The following SCN1A variants were observed in gnomAD, a reference collection of about 807,000 sequenced individuals.
The protein encoded by SCN1A is sodium voltage-gated channel alpha subunit 1.
Under a neutral mutation model 193.7 loss-of-function variants are expected in SCN1A, and 13 were observed. That is an observed-to-expected ratio of 0.07 (90% CI 0.04 to 0.11). The LOEUF is 0.11. Among genes scored for constraint, SCN1A ranks in the 10% least tolerant of loss-of-function variants. The pLI is 1.00. For missense variants in SCN1A, 1,432 were observed against 2,451.1 expected (o/e 0.58, Z 8.78); for synonymous variants, 781 against 843.6 (o/e 0.93, Z 1.29).
chr2:166,129,489 C>T (rs1691556258), upstream of SCN1A, among the ~76,000 whole-genome samples: 1 of 152,110 alleles, frequency 6.6e-6, no homozygotes, highest in Non-Finnish European at 1.5e-5. Context: ...AGTGCTTTCC[C>T]AAAAGCCAGT....
At chr2:166,002,361 A>G (rs777685937) in intron 24 of SCN1A, 111 bp downstream of exon 24, 15 of 1,184,480 alleles carry the variant, frequency 1.3e-5, no homozygotes, top group Non-Finnish European at 1.6e-5. Flanking sequence ...GAAATTTTTT[A>G]AATAGAAAGA....
At chr2:166,137,651 C>T (rs1691916674) in intron 1 of SCN1A, 1 of 152,280 alleles carries the variant, frequency 6.6e-6, no homozygotes. Flanking sequence ...TTCAATAAAC[C>T]TCTTTCTTTT....
chr2:166,073,784 T>C lies in SCN1A; in HGVS notation c.-49-114A>G. ...ATTTAAAGTCTGTTTTCTCCTTAAATTGAAAGGTGATTTCTAAAGAAAAAA... is the reference window on the plus strand; with the variant it reads ...ATTTAAAGTCTGTTTTCTCCTTAAACTGAAAGGTGATTTCTAAAGAAAAAA... On this transcript the variant is annotated intron_variant, in intron 3 of 28. Coordinates refer to ENST00000674923, the MANE Select transcript of SCN1A (RefSeq NM_001165963.4). 3.6e-6 allele frequency: 3 copies of C among 823,966 alleles called. No homozygotes were observed. The South Asian group carries it at 5.9e-5, about 16-fold the overall frequency. The allele number at this position is 823,966 out of a possible 1,614,324, so 51.0% of individuals were successfully genotyped here. A position where few individuals can be genotyped will look rare whatever the true frequency, so the allele number is the denominator to read the frequency against.
chr2:166,146,814 G>A (rs1692340704), intron 1 of SCN1A, among the ~76,000 whole-genome samples: 1 of 152,008 alleles, frequency 6.6e-6, no homozygotes, highest in African/African-American at 2.4e-5. Context: ...TGGAACTGTT[G>A]GAAAATAGAC....
At chr2:166,058,845 C>T (rs536565956) in intron 4 of SCN1A, among the ~76,000 whole-genome samples, 157 bp from the exon 5 acceptor site, 1 of 152,208 alleles carries the variant, frequency 6.6e-6, no homozygotes, top group South Asian at 2.1e-4. Context: ...CAAACTGTCA[C>T]TGGATCTCTT....
chr2:166,006,766 T>G (rs1691719542), intron 23 of SCN1A, among the ~76,000 whole-genome samples: 1 of 151,412 alleles, frequency 6.6e-6, no homozygotes, highest in South Asian at 2.1e-4. Flanking sequence ...CCCTAGTATC[T>G]GCTCATACAT....
intron 5 of SCN1A, among the ~76,000 whole-genome samples, chr2:166,057,859 T>C (rs1269182766): frequency 2.0e-5 from 3 of 151,990 alleles, no homozygotes; most frequent in Admixed American, 2.0e-4. Flanking sequence ...AACAAATGAA[T>C]TTAGTCGTGG....
chr2:166,124,206 G>A (rs1209251909), intron 2 of SCN1A, among the ~76,000 whole-genome samples: 3 of 151,650 alleles, frequency 2.0e-5, no homozygotes, highest in Non-Finnish European at 4.4e-5. Flanking sequence ...CACTTAGAAC[G>A]CAGACCCTTC....
chr2:166,010,502 CAAA>C (rs1357180988), intron 22 of SCN1A, among the ~76,000 whole-genome samples: 1 of 151,124 alleles, frequency 6.6e-6, no homozygotes, highest in Non-Finnish European at 1.5e-5. Context: ...GAATATTTAC[CAAA>C]TACACACAGC....
rs138587241 is a variant in SCN1A, at chr2:166,045,151, A to C, written c.1554T>G (p.Asp518Glu). 8.1e-6 allele frequency: 13 copies of C among 1,613,970 alleles called. No individual in the cohort carries two copies. In the African/African-American group the frequency reaches 1.7e-4, roughly 22 times the overall value. Residue 518 changes from aspartate (D) to glutamate (E), a missense_variant, in exon 13 of 29, where the codon GAT becomes GAG. By Grantham distance (45) the Asp-to-Glu change is conservative. This residue lies in a region of SCN1A where 316 missense variants were observed against 362.1 expected (regional missense o/e 0.87). Coordinates refer to ENST00000674923, the MANE Select transcript of SCN1A (RefSeq NM_001165963.4). ...EQSGGEEKDE[D>E]EFQKSESEDS... ...CCTCAGATTCAGATTTTTGGAATTC[A>C]TCCTCATCTTTCTCTTCCCCACCAG...
Position 166,044,033 on chromosome 2 carries a change from C to G in SCN1A, c.1679G>C (p.Arg560Pro). Residue 560 changes from arginine to proline, a missense_variant, in exon 14 of 29, where the codon CGT (arginine) becomes CCT (proline). Physicochemically the swap from Arg to Pro is moderately radical, Grantham distance 103. Coordinates refer to ENST00000674923, the MANE Select transcript of SCN1A (RefSeq NM_001165963.4). ...SSPHQSLLSI[R>P]GSLFSPRRNS... is the part of the protein sequence containing the mutation. ...TCGCCTTGGTGAAAATAGGGAGCCA[C>G]GGATGCTCAACAAAGACTAGAAGTT... 1.2e-6 allele frequency: 2 copies of G among 1,614,028 alleles called. No homozygotes were observed. Among genetic ancestry groups the G allele is most frequent in the Non-Finnish European group, 1.7e-6 (2 of 1,180,002 alleles).
At chr2:166,025,312 T>G (rs557146687) in intron 19 of SCN1A, among the ~76,000 whole-genome samples, 1 of 152,274 alleles carries the variant, frequency 6.6e-6, no homozygotes, top group African/African-American at 2.4e-5. Context: ...CTTCCTACTT[T>G]CCTGCCAGCT....
chr2:166,146,523 A>G (rs1692328854), intron 1 of SCN1A, among the ~76,000 whole-genome samples: 1 of 152,196 alleles, frequency 6.6e-6, no homozygotes, highest in African/African-American at 2.4e-5. Context: ...GGTCATCACA[A>G]CTGAGGGTTT....
chr2:166,043,582 C>A, intron 14 of SCN1A, 87 bp downstream of exon 14: 2 of 1,427,368 alleles, frequency 1.4e-6, no homozygotes, highest in African/African-American at 1.4e-5. Context: ...AACCAGGAAT[C>A]ATTCTCAAGG....
In SCN1A at chr2:165,992,538, T is replaced by TAA; in HGVS notation, c.4853-117_4853-116insTT. On this transcript the variant is annotated intron_variant, in intron 28 of 28. Transcript: ENST00000674923. This position sits in a 1 kb window ranked among gnomAD's most constrained non-coding sequence, Gnocchi z 6.5. The stretch of plus-strand genomic sequence containing the variant: ...GAGTCCTGAACCCAGTTATATTAAA[T>TAA]ATGACAACTATATATAATATATATA... 9 of 824,032 alleles carry TAA rather than the reference T, an allele frequency of 1.1e-5. No individual in the cohort carries two copies. The Admixed American group carries it at 2.0e-4, about 18-fold the overall frequency. The allele number at this position is 824,032 out of a possible 1,614,324, so 51.0% of individuals were successfully genotyped here.
At position 165,994,670 on chromosome 2, in the gene SCN1A, C is replaced by T. The variant is rs919198; in HGVS notation, c.4582-254G>A. ...TGATAAAAACAAACAAACAAACAAA[C>T]AAACAAACAAAAGAAACATTCAACA... On this transcript the variant is annotated intron_variant, in intron 27 of 28. Transcript: ENST00000674923. 0.023 allele frequency among the ~76,000 whole-genome samples: 3,448 copies of T among 151,748 alleles called. 183 individuals carry two copies. The highest frequency in any genetic ancestry group is 0.13 in the Admixed American group (1,942 of 15,206).
intron 8 of SCN1A, among the ~76,000 whole-genome samples, chr2:166,052,517 A>T (rs2105893098): frequency 6.6e-6 from 1 of 151,924 alleles, no homozygotes; most frequent in African/African-American, 2.4e-5. Flanking sequence ...GAAGATTTGC[A>T]TTGTATACAC....
chr2:166,116,070 C>T (rs2106218764), intron 2 of SCN1A, among the ~76,000 whole-genome samples: 1 of 152,308 alleles, frequency 6.6e-6, no homozygotes, highest in South Asian at 2.1e-4. Flanking sequence ...GGTAGATCGA[C>T]CATGGGGTAA....
chr2:166,054,090 G>A (rs1446327307), intron 7 of SCN1A, among the ~76,000 whole-genome samples: 3 of 151,934 alleles, frequency 2.0e-5, no homozygotes, highest in African/African-American at 7.2e-5. Flanking sequence ...ACAGGTCTTA[G>A]AAATCAGTAA....
Sources: allele counts gnomAD v4.1 joint callset (sites outside exome capture counted in the v4.1 genomes callset), GRCh38; gene constraint gnomAD v4.1.1; regional missense constraint gnomAD v4.1.1; non-coding constraint Gnocchi (gnomAD v3.1); transcripts MANE v1.5; gene names NCBI Gene and HGNC (gene_info 2026-07-23, HGNC 2026-07-21).